Variants in MRPS28 observed in about 807,000 individuals in gnomAD.
MRPS28 encodes small ribosomal subunit protein bS1m.
In MRPS28, 7 loss-of-function variants were observed where a neutral mutation model predicts 10.8. The observed-to-expected ratio is 0.65, with a 90% CI of 0.37 to 1.22. The LOEUF (loss-of-function observed/expected upper bound fraction) is 1.22, where lower values mean the gene tolerates loss of function less well. MRPS28 is among the 50% of genes most tolerant of loss of function. The pLI is 0.02. For missense variants in MRPS28, 265 were observed against 232.9 expected (o/e 1.14, Z -0.90); for synonymous variants, 121 against 93.3 (o/e 1.30, Z -1.71).
At chr8:79,993,587 T>C (rs1214601032) in intron 2 of MRPS28, among the ~76,000 whole-genome samples, 2 of 152,206 alleles carry the variant, frequency 1.3e-5, no homozygotes, top group East Asian at 1.9e-4. Context: ...AATTTGATCA[T>C]ATTTGAACAT....
At chr8:80,000,253 T>C (rs1474520255) in intron 2 of MRPS28, among the ~76,000 whole-genome samples, 4 of 152,246 alleles carry the variant, frequency 2.6e-5, no homozygotes, top group South Asian at 2.1e-4. Context: ...AATGTATTTA[T>C]TTTGTGACTC....
chr8:79,995,706 T>C (rs1232010928), intron 2 of MRPS28, among the ~76,000 whole-genome samples: 1 of 152,196 alleles, frequency 6.6e-6, no homozygotes, highest in Non-Finnish European at 1.5e-5. Context: ...CAGTGAGACC[T>C]AAACAGAAGG....
At chr8:79,965,535 T>A (rs895935290) in intron 2 of MRPS28, among the ~76,000 whole-genome samples, 1 of 152,070 alleles carries the variant, frequency 6.6e-6, no homozygotes, top group African/African-American at 2.4e-5. Context: ...TTAAGGTACG[T>A]CCTTTTATCC....
chr8:79,977,519 T>C (rs1554572118), intron 2 of MRPS28, among the ~76,000 whole-genome samples: 4 of 152,098 alleles, frequency 2.6e-5, no homozygotes, highest in Non-Finnish European at 5.9e-5. Context: ...ATTTTTATAA[T>C]AAACAAAAGA....
chr8:80,027,970 GA>G (rs1371249696), intron 1 of MRPS28, among the ~76,000 whole-genome samples: 1 of 152,132 alleles, frequency 6.6e-6, no homozygotes, highest in African/African-American at 2.4e-5. Flanking sequence ...GGACTGCCAG[GA>G]AACACCCCAG....
chr8:79,934,741 TA>T (rs1390529014), intron 2 of MRPS28, among the ~76,000 whole-genome samples: 1 of 152,236 alleles, frequency 6.6e-6, no homozygotes, highest in Admixed American at 6.5e-5. Flanking sequence ...TGCTCAAATG[TA>T]AAGCATGTAA....
At chr8:79,927,251 G>A (rs74905804) in intron 2 of MRPS28, among the ~76,000 whole-genome samples, 3,949 of 152,286 alleles carry the variant, frequency 0.026, 69 homozygotes, top group Non-Finnish European at 0.039. Context: ...GTACTTTCAT[G>A]ACCAAAAGAC....
chr8:79,944,922 T>C (rs564998633), intron 2 of MRPS28, among the ~76,000 whole-genome samples: 14 of 152,184 alleles, frequency 9.2e-5, no homozygotes, highest in African/African-American at 3.4e-4. Context: ...CTCGAATTCC[T>C]GAACTCAAGC....
intron 2 of MRPS28, among the ~76,000 whole-genome samples, chr8:79,965,685 A>G (rs1807487182): frequency 6.6e-6 from 1 of 152,094 alleles, no homozygotes; most frequent in African/African-American, 2.4e-5. Flanking sequence ...CATGTTAATT[A>G]TATCTGCAAT....
At chr8:79,935,989 C>G (rs1226385694) in intron 2 of MRPS28, among the ~76,000 whole-genome samples, 1 of 151,644 alleles carries the variant, frequency 6.6e-6, no homozygotes, top group Non-Finnish European at 1.5e-5. Context: ...CACTGATAAT[C>G]ACAAAAATGC....
chr8:79,989,867 A>C (rs1286504174), intron 2 of MRPS28, among the ~76,000 whole-genome samples: 1 of 152,206 alleles, frequency 6.6e-6, no homozygotes. Flanking sequence ...GAAAAATCAC[A>C]ACATGACCAG....
At chr8:79,919,230 C>A in intron 2 of MRPS28, 82 bp from the exon 3 acceptor site, 1 of 1,102,682 alleles carries the variant, frequency 9.1e-7, no homozygotes, top group Non-Finnish European at 1.2e-6. Flanking sequence ...AACCAAATTC[C>A]AATTTTAATT....
chr8:80,000,185 T>TGAAC (rs1808623974), intron 2 of MRPS28, among the ~76,000 whole-genome samples: 1 of 152,220 alleles, frequency 6.6e-6, no homozygotes, highest in South Asian at 2.1e-4. Context: ...AATGAATGAA[T>TGAAC]GAACAAATCA....
rs33936648 is a variant in MRPS28, at chr8:79,991,909, GCTCTCTCTCTCTCTCTCTCTCT to G, written c.395+11068_395+11089del. Among the ~76,000 whole-genome samples the G allele has an allele frequency of 7.7e-3, 1,021 of 132,658 alleles. 5 individuals carry two copies. The highest frequency in any genetic ancestry group is 0.012 in the Non-Finnish European group (751 of 63,250). The allele number at this position is 132,658 out of a possible 152,430, so 87.0% of individuals were successfully genotyped here. The stretch of plus-strand genomic sequence containing the variant: ...TAAAAGGCATCACCACTTCCTCCTT[GCTCTCTCTCTCTCTCTCTCTCT>G]CTCTCTCTCTCTCTCTCTCTCTCTC... On this transcript the variant is annotated intron_variant, in intron 2 of 2. Transcript: ENST00000276585.
Position 79,918,749 on chromosome 8 carries a change from C to G in MRPS28, c.*231G>C, listed in dbSNP as rs116773891. 2,069 of 194,558 alleles carry G rather than the reference C, an allele frequency of 0.011. 47 individuals are homozygous for G. The highest frequency in any genetic ancestry group is 0.05 in the African/African-American group (1,941 of 38,774). 12.1% of individuals were successfully genotyped at this position (194,558 alleles called of 1,614,324 possible). A position where few individuals can be genotyped will look rare whatever the true frequency, so the allele number is the denominator to read the frequency against. On this transcript the variant is annotated 3_prime_UTR_variant, in exon 3 of 3. Coordinates refer to ENST00000276585, the MANE Select transcript of MRPS28 (RefSeq NM_014018.3). ...CACTCAAAACGTATTTATTGAATGA[C>G]AATTTCTTAGTACAGTGTATACTAT...
At position 79,919,117 on chromosome 8, in the gene MRPS28, G is replaced by A. The variant is rs201208465; in HGVS notation, c.427C>T (p.Arg143Trp). 146 of 1,596,588 alleles carry A rather than the reference G, an allele frequency of 9.1e-5. 1 individual carries two copies. Among genetic ancestry groups the A allele is most frequent in the Middle Eastern group, 1.7e-4 (1 of 6,022 alleles). ...KYQKGTRVRLRLLDLELTSRF... is the reference protein window; with the variant it reads ...KYQKGTRVRLWLLDLELTSRF... ...GACGTAAGTTCAAGATCTAATAGCC[G>A]CAACCGGACCCTGGTTCCTTTCTGG... The change falls in exon 3 of 3, where the codon CGG (arginine) becomes TGG (tryptophan). Residue 143 changes from arginine to tryptophan, a missense_variant. Arg to Trp is a moderately radical substitution (Grantham distance 101, BLOSUM62 -3). Coordinates refer to ENST00000276585, the MANE Select transcript of MRPS28 (RefSeq NM_014018.3).
At chr8:79,958,051 A>T (rs1807275000) in intron 2 of MRPS28, 1 of 216,608 alleles carries the variant, frequency 4.6e-6, no homozygotes, top group African/African-American at 2.3e-5. Context: ...CAAAGTGTAT[A>T]ATTCAGTGAC....
At position 79,968,188 on chromosome 8, in the gene MRPS28, C is replaced by G. The variant is rs140690621; in HGVS notation, c.395+34811G>C. On this transcript the variant is annotated intron_variant, in intron 2 of 2. Coordinates refer to ENST00000276585, the MANE Select transcript of MRPS28 (RefSeq NM_014018.3). The stretch of plus-strand genomic sequence containing the variant: ...ATTTTTGCAATAGCCTCCTAAATGA[C>G]TGCCCTGCCTCCAAATCTCCAATAT... 5.1e-4 allele frequency among the ~76,000 whole-genome samples: 78 copies of G among 152,264 alleles called. No individual in the cohort carries two copies. The East Asian group carries it at 0.012, about 23-fold the overall frequency.
At chr8:80,007,911 G>A (rs1202930405) in intron 1 of MRPS28, among the ~76,000 whole-genome samples, 1 of 151,972 alleles carries the variant, frequency 6.6e-6, no homozygotes, top group Admixed American at 6.5e-5. Context: ...TCACAGAATT[G>A]GAAAAAACTA....
Sources: allele counts gnomAD v4.1 joint callset (sites outside exome capture counted in the v4.1 genomes callset), GRCh38; gene constraint gnomAD v4.1.1; transcripts MANE v1.5; gene names NCBI Gene and HGNC (gene_info 2026-07-23, HGNC 2026-07-21).